ADAMTS16: variants seen among roughly 807,000 people sequenced by gnomAD.
ADAMTS16 encodes the protein A disintegrin and metalloproteinase with thrombospondin motifs 16.
Under a neutral mutation model 145.8 loss-of-function variants are expected in ADAMTS16, and 94 were observed. The observed-to-expected ratio is 0.64, with a 90% confidence interval of 0.55 to 0.77. The LOEUF (loss-of-function observed/expected upper bound fraction) is 0.77, where lower values mean the gene tolerates loss of function less well. Ranked by LOEUF, ADAMTS16 falls within the 30% of genes least tolerant of loss-of-function variation. The pLI is 0.00. For missense variants in ADAMTS16, 1,585 were observed against 1,591.5 expected (o/e 1.00, Z 0.07); for synonymous variants, 659 against 604.3 (o/e 1.09, Z -1.33).
chr5:5,318,051 C>G, intron 21 of ADAMTS16, 83 bp from the exon 22 acceptor site: 1 of 1,271,720 alleles, frequency 7.9e-7, no homozygotes, highest in South Asian at 3.0e-5. Flanking sequence ...AGCAGCAGGC[C>G]TTTTAGAAAG....
At chr5:5,304,321 C>T (rs1173206388) in intron 20 of ADAMTS16, among the ~76,000 whole-genome samples, 3 of 152,142 alleles carry the variant, frequency 2.0e-5, no homozygotes, top group South Asian at 4.1e-4. Context: ...AGGAGCTGTC[C>T]TGGAGCCCTT....
chr5:5,140,726 T>G lies in ADAMTS16; in HGVS notation c.135T>G (p.Pro45=). The change falls in exon 2 of 23, where the codon CCT becomes CCG. Residue 45 remains proline, a synonymous_variant. Transcript: ENST00000274181. ...AAPGSPSVPR[P]PPPAERPGWM... ...CTGGGAGCCCGAGCGTCCCGCGTCC[T>G]CCTCCACCCGCGGAGCGGCCGGGCT... 1 of 1,570,822 alleles carries G rather than the reference T, an allele frequency of 6.4e-7. No individual in the cohort carries two copies. Among genetic ancestry groups the G allele is most frequent in the Non-Finnish European group, 8.6e-7 (1 of 1,159,714 alleles).
chr5:5,242,251 A>G, intron 17 of ADAMTS16, 60 bp downstream of exon 17: 10 of 1,591,122 alleles, frequency 6.3e-6, no homozygotes, highest in Non-Finnish European at 8.6e-6. Context: ...CACTGCGTAC[A>G]TTGCACTGGC....
intron 8 of ADAMTS16, among the ~76,000 whole-genome samples, chr5:5,199,897 CTA>C (rs745619170): frequency 6.6e-6 from 1 of 152,224 alleles, no homozygotes; most frequent in Non-Finnish European, 1.5e-5. Context: ...CTGGACATTT[CTA>C]TGATATTGGT....
intron 18 of ADAMTS16, among the ~76,000 whole-genome samples, chr5:5,284,087 C>T (rs1007797454): frequency 4.6e-5 from 7 of 152,068 alleles, no homozygotes; most frequent in African/African-American, 9.7e-5. Context: ...TGACTGTCTT[C>T]TTTTTTGTAC....
intron 7 of ADAMTS16, among the ~76,000 whole-genome samples, chr5:5,191,104 T>C (rs1735652027): frequency 6.6e-6 from 1 of 152,230 alleles, no homozygotes; most frequent in African/African-American, 2.4e-5. Flanking sequence ...TGTGTGACTC[T>C]GCAGGGCAAG....
chr5:5,168,882 TG>T (rs1339005642), intron 3 of ADAMTS16, among the ~76,000 whole-genome samples: 2 of 151,130 alleles, frequency 1.3e-5, no homozygotes. Flanking sequence ...GCTAACAAGC[TG>T]GGTCAGGAGT....
intron 17 of ADAMTS16, among the ~76,000 whole-genome samples, chr5:5,257,504 G>GACGTAATGCAAACTGCA (rs1205315770): frequency 5.3e-5 from 8 of 152,106 alleles, no homozygotes; most frequent in African/African-American, 7.2e-5. Context: ...TGCAAATTGC[G>GACGTAATGCAAACTGCA]ACGTAATGCA....
intron 18 of ADAMTS16, among the ~76,000 whole-genome samples, chr5:5,285,993 C>G (rs1348548901): frequency 6.6e-6 from 1 of 152,182 alleles, no homozygotes; most frequent in African/African-American, 2.4e-5. Flanking sequence ...GACTTTGCAT[C>G]ATAGTGGCAT....
At chr5:5,150,655 C>G (rs1734427654) in intron 3 of ADAMTS16, among the ~76,000 whole-genome samples, 1 of 152,208 alleles carries the variant, frequency 6.6e-6, no homozygotes, top group Non-Finnish European at 1.5e-5. Context: ...TTGTTTCTGC[C>G]CTTTCCTCCC....
intron 3 of ADAMTS16, among the ~76,000 whole-genome samples, chr5:5,160,607 G>A (rs1204640587): frequency 6.6e-6 from 1 of 152,178 alleles, no homozygotes; most frequent in Non-Finnish European, 1.5e-5. Flanking sequence ...ACCCCAGGCT[G>A]TGGTGGGTGC....
chr5:5,191,652 G>T, intron 7 of ADAMTS16, 33 bp from the exon 8 acceptor site: 2 of 1,518,458 alleles, frequency 1.3e-6, no homozygotes, highest in Non-Finnish European at 1.8e-6. Context: ...TTACAACACC[G>T]CTATGTGTTC....
intron 18 of ADAMTS16, among the ~76,000 whole-genome samples, chr5:5,300,546 C>A (rs1739728346): frequency 1.3e-5 from 2 of 152,146 alleles, no homozygotes; most frequent in Admixed American, 1.3e-4. Context: ...ATAATTGAAT[C>A]TTTTCAGTGA....
intron 8 of ADAMTS16, among the ~76,000 whole-genome samples, chr5:5,194,206 C>T (rs1262054229): frequency 1.3e-5 from 2 of 152,184 alleles, no homozygotes; most frequent in Non-Finnish European, 2.9e-5. Flanking sequence ...CACCTGACTT[C>T]TTCAAGTTCT....
Position 5,318,010 on chromosome 5 carries a change from C to A in ADAMTS16, c.3412-124C>A, listed in dbSNP as rs533750569. The A allele has an allele frequency of 2.8e-5, 31 of 1,110,892 alleles. No individual in the cohort carries two copies. In the South Asian group the frequency reaches 8.8e-4, roughly 32 times the overall value. 68.8% of individuals were successfully genotyped at this position (1,110,892 alleles called of 1,614,324 possible). ...CCAACCATAACTCCACCTGCCTCTG[C>A]GACTAAGTCGCTCTTCCCTCACTGG... is the stretch of plus-strand genomic sequence containing the variant. On this transcript the variant is annotated intron_variant, in intron 21 of 22. Transcript: ENST00000274181.
chr5:5,147,544 T>C (rs1398674955), intron 3 of ADAMTS16, among the ~76,000 whole-genome samples: 1 of 152,242 alleles, frequency 6.6e-6, no homozygotes, highest in East Asian at 1.9e-4. Flanking sequence ...TTCTGCTTTT[T>C]AGAGAAATTT....
At chr5:5,273,336 A>C (rs1738559141) in intron 18 of ADAMTS16, among the ~76,000 whole-genome samples, 1 of 152,236 alleles carries the variant, frequency 6.6e-6, no homozygotes, top group Non-Finnish European at 1.5e-5. Context: ...TGCCTGGGCA[A>C]CATGGTGAAA....
At chr5:5,267,868 C>G (rs1387047517) in intron 18 of ADAMTS16, among the ~76,000 whole-genome samples, 1 of 152,220 alleles carries the variant, frequency 6.6e-6, no homozygotes, top group African/African-American at 2.4e-5. Context: ...CTGCCCCGCT[C>G]CCATATCAGA....
At chr5:5,286,514 TTAAC>T (rs763787361) in intron 18 of ADAMTS16, among the ~76,000 whole-genome samples, 48 of 152,188 alleles carry the variant, frequency 3.2e-4, no homozygotes, top group Middle Eastern at 3.2e-3. Context: ...TAATTGTTGT[TTAAC>T]TAATTATTTA....
Sources: gnomAD v4.1 joint callset for allele counts (sites outside exome capture counted in the v4.1 genomes callset) on GRCh38, gnomAD v4.1.1 for gene constraint, MANE v1.5 for transcripts, NCBI Gene and HGNC (gene_info 2026-07-23, HGNC 2026-07-21) for gene names.